The following PCDHA2 variants were observed in gnomAD, a reference collection of about 807,000 sequenced individuals.
The protein encoded by PCDHA2 is protocadherin alpha-2.
In PCDHA2, 58 loss-of-function variants were observed where a neutral mutation model predicts 66.0. That is an observed-to-expected ratio of 0.88 (90% CI 0.71 to 1.09). The LOEUF (loss-of-function observed/expected upper bound fraction) is 1.09, where lower values mean the gene tolerates loss of function less well. Ranked by LOEUF, PCDHA2 falls within the 50% of genes least tolerant of loss-of-function variation. The pLI, the probability that PCDHA2 is intolerant of heterozygous loss-of-function variation, is 0.00. For synonymous variants in PCDHA2, 634 were observed against 554.0 expected, an observed-to-expected ratio of 1.14 and a Z score of -2.03; for missense variants, 1,267 against 1,242.3, an observed-to-expected ratio of 1.02 and a Z score of -0.30.
At chr5:140,956,281 G>A (rs551518322) in intron 1 of PCDHA2, among the ~76,000 whole-genome samples, 14 of 152,008 alleles carry the variant, frequency 9.2e-5, no homozygotes, top group Admixed American at 2.0e-4. Flanking sequence ...ATTGGCTGTG[G>A]GTTTATCATA....
chr5:140,938,485 T>C (rs2092087482), intron 1 of PCDHA2, among the ~76,000 whole-genome samples: 2 of 152,170 alleles, frequency 1.3e-5, no homozygotes, highest in African/African-American at 4.8e-5. Context: ...TTAAAAATCA[T>C]GAATAGGCAT....
In PCDHA2 at chr5:140,850,223, AGT is replaced by A. The variant is rs2041441871; in HGVS notation, c.2388+52873_2388+52874del. The A allele has an allele frequency of 1.0e-5, 16 of 1,593,640 alleles. 2 individuals carry two copies. Among genetic ancestry groups the A allele is most frequent in the Non-Finnish European group, 1.2e-5 (14 of 1,167,580 alleles). ...CTCGGATGAGGGGCACTGACGGCGC[AGT>A]GAGCGAGATGGTGCTGCGGTCGGTG... On this transcript the variant is annotated intron_variant, in intron 1 of 3. Transcript: ENST00000526136.
intron 1 of PCDHA2, chr5:140,875,423 G>T: frequency 6.6e-7 from 1 of 1,524,996 alleles, no homozygotes; most frequent in Non-Finnish European, 8.8e-7. Context: ...CCTCAGGCAA[G>T]CGATCCCTTA....
rs1554119607 is a variant in PCDHA2 at position 140,795,884 on chromosome 5, A to G, written c.920A>G (p.Lys307Arg). 5.0e-6 allele frequency: 8 copies of G among 1,614,054 alleles called. No homozygotes were observed. The highest frequency in any genetic ancestry group is 6.8e-6 in the Non-Finnish European group (8 of 1,180,010). The change falls in exon 1 of 4, where the codon AAA becomes AGA. Residue 307 changes from lysine to arginine, a missense_variant. Lys to Arg is a conservative substitution (Grantham distance 26). Transcript: ENST00000526136. ...TCAGGGGAAATCAGAACTAAGGGAA[A>G]ATTAGATTATGAAGAAGCAAAGTCC... ...PISGEIRTKG[K>R]LDYEEAKSYE... is the part of the protein sequence containing the mutation.
At chr5:140,937,378 G>A (rs1248709474) in intron 1 of PCDHA2, among the ~76,000 whole-genome samples, 2 of 152,248 alleles carry the variant, frequency 1.3e-5, no homozygotes, top group East Asian at 1.9e-4. Context: ...GTTTATGTGT[G>A]TGTATGTGTA....
At chr5:140,899,574 C>T (rs890849786) in intron 1 of PCDHA2, among the ~76,000 whole-genome samples, 2 of 152,112 alleles carry the variant, frequency 1.3e-5, no homozygotes, top group African/African-American at 4.8e-5. Context: ...CTGCTGGATT[C>T]GGTTTGCCAG....
rs139390480 is a variant in PCDHA2, at chr5:140,856,945, A to T, written c.2388+59593A>T. ...AATTTTGGATAAACGAAAGGACGGGAGAAATAAAAGTAAATGATGCTATTG... is the reference window on the plus strand; with the variant it reads ...AATTTTGGATAAACGAAAGGACGGGTGAAATAAAAGTAAATGATGCTATTG... On this transcript the variant is annotated intron_variant, in intron 1 of 3. Transcript: ENST00000526136. The T allele has an allele frequency of 3.8e-6, 6 of 1,593,208 alleles. No individual in the cohort carries two copies. The highest frequency in any genetic ancestry group is 5.2e-6 in the Non-Finnish European group (6 of 1,163,192).
Position 140,848,771 on chromosome 5 carries a change from C to G in PCDHA2, c.2388+51419C>G, listed in dbSNP as rs1184191151. 4.4e-6 allele frequency: 7 copies of G among 1,593,350 alleles called. No homozygotes were observed. In the South Asian group the frequency reaches 6.6e-5, roughly 15 times the overall value. On this transcript the variant is annotated intron_variant, in intron 1 of 3. Coordinates refer to ENST00000526136, the MANE Select transcript of PCDHA2 (RefSeq NM_018905.3). ...TGTTTGTGAATTCTCGGATCGACCG[C>G]GAGGAGCTGTGCGGGCGGAGCGCGG...
intron 1 of PCDHA2, among the ~76,000 whole-genome samples, chr5:140,945,598 T>C (rs544036785): frequency 1.3e-5 from 2 of 152,116 alleles, no homozygotes; most frequent in South Asian, 2.1e-4. Flanking sequence ...TTCAAAGCTA[T>C]AATAATCAAA....
Position 140,822,678 on chromosome 5 carries a change from A to G in PCDHA2, c.2388+25326A>G, listed in dbSNP as rs2150118464. The G allele has an allele frequency of 3.1e-6, 5 of 1,609,592 alleles. No individual in the cohort carries two copies. In the African/African-American group the frequency reaches 4.0e-5, roughly 13 times the overall value. ...TAATTAATTCTAATACTGGTGAAAT[A>G]AAAGTTAACGGGGAACTGGATTATG... is the stretch of plus-strand genomic sequence containing the variant. On this transcript the variant is annotated intron_variant, in intron 1 of 3. Transcript: ENST00000526136.
At position 140,850,115 on chromosome 5, in the gene PCDHA2, G is replaced by T. The variant is rs2150468444; in HGVS notation, c.2388+52763G>T. 1.3e-5 allele frequency: 21 copies of T among 1,595,978 alleles called. 2 individuals are homozygous for T. The highest frequency in any genetic ancestry group is 2.2e-5 in the South Asian group (2 of 90,490). ...AGTTCCAGGTGAGCGCGCGCGACGC[G>T]GGCGTGCCGCCTCTGGGCAGCAACG... On this transcript the variant is annotated intron_variant, in intron 1 of 3. Coordinates refer to ENST00000526136, the MANE Select transcript of PCDHA2 (RefSeq NM_018905.3).
intron 1 of PCDHA2, chr5:140,863,385 G>C: frequency 9.7e-7 from 1 of 1,030,864 alleles, no homozygotes; most frequent in Non-Finnish European, 1.4e-6. Context: ...CCGAGAGCTC[G>C]TGCATGCCGG....
intron 1 of PCDHA2, chr5:140,966,544 G>C: frequency 2.1e-6 from 1 of 465,718 alleles, no homozygotes; most frequent in Non-Finnish European, 3.7e-6. Flanking sequence ...GCGACTCGGA[G>C]GCGAGCGGAG....
intron 3 of PCDHA2, among the ~76,000 whole-genome samples, chr5:141,006,729 T>A (rs1554260883): frequency 2.0e-5 from 3 of 151,948 alleles, no homozygotes; most frequent in Non-Finnish European, 4.4e-5. Flanking sequence ...AAATGACAGG[T>A]CTTGATGATG....
intron 1 of PCDHA2, chr5:140,810,296 A>T (rs782463375): frequency 2.0e-5 from 3 of 152,214 alleles, no homozygotes; most frequent in Non-Finnish European, 4.4e-5. Context: ...TCATAAATAT[A>T]TTGTACATTT....
chr5:140,848,975 A>G lies in PCDHA2; in HGVS notation c.2388+51623A>G, dbSNP rs2040717769. 3 of 1,601,024 alleles carry G rather than the reference A, an allele frequency of 1.9e-6. No homozygotes were observed. The East Asian group carries it at 6.7e-5, about 36-fold the overall frequency. ...TTCCACTAGAGGGCGCGTCCGATGC[A>G]GATATCGGGGAGAACGCCCTGCTCA... On this transcript the variant is annotated intron_variant, in intron 1 of 3. Transcript: ENST00000526136.
At chr5:140,804,712 T>A (rs1239581121) in intron 1 of PCDHA2, 2 of 173,008 alleles carry the variant, frequency 1.2e-5, no homozygotes, top group Non-Finnish European at 2.4e-5. Flanking sequence ...GAAGGTAGAC[T>A]TTTTTCTAAT....
chr5:140,823,475 C>T, intron 1 of PCDHA2: 1 of 1,613,450 alleles, frequency 6.2e-7, no homozygotes, highest in Non-Finnish European at 8.5e-7. Flanking sequence ...CTGCTGGTGC[C>T]TCGAGTGGGT....
chr5:140,796,243 G>C lies in PCDHA2; in HGVS notation c.1279G>C (p.Ala427Pro), dbSNP rs1422523860. Reference sequence around the variant, plus strand: ...GTCAGCCTATGAGCTGGTGGTGACCGCACGGGACGGGGGCTCGCCTTCACT... The same window carrying C: ...GTCAGCCTATGAGCTGGTGGTGACCCCACGGGACGGGGGCTCGCCTTCACT... Reference protein sequence around the residue: ...SVSAYELVVTARDGGSPSLWA... With the variant: ...SVSAYELVVTPRDGGSPSLWA... The change falls in exon 1 of 4, where the codon GCA (alanine) becomes CCA (proline). Residue 427 changes from alanine to proline, a missense_variant. By Grantham distance (27) the Ala-to-Pro change is conservative (BLOSUM62 -1). Coordinates refer to ENST00000526136, the MANE Select transcript of PCDHA2 (RefSeq NM_018905.3). 6.2e-7 allele frequency: 1 copy of C among 1,614,160 alleles called. No individual in the cohort carries two copies. Among genetic ancestry groups the C allele is most frequent in the Non-Finnish European group, 8.5e-7 (1 of 1,180,040 alleles).
Sources: gnomAD v4.1 joint callset for allele counts (sites outside exome capture counted in the v4.1 genomes callset) on GRCh38, gnomAD v4.1.1 for gene constraint, MANE v1.5 for transcripts, NCBI Gene and HGNC (gene_info 2026-07-23, HGNC 2026-07-21) for gene names.